Variants in DPH6 observed in about 807,000 individuals in gnomAD.
DPH6 encodes diphthamine biosynthesis 6.
A neutral mutation model predicts 38.2 loss-of-function variants in DPH6; 33 were observed. The ratio of observed to expected loss-of-function variants is 0.86; its 90% CI spans 0.65 to 1.15. The LOEUF (loss-of-function observed/expected upper bound fraction) is 1.15, where lower values mean the gene tolerates loss of function less well. Among genes scored for constraint, DPH6 ranks in the 50% most tolerant of loss-of-function variants. DPH6 has a pLI of 0.00. For missense variants in DPH6, 325 were observed against 320.0 expected (o/e 1.02, Z -0.12); for synonymous variants, 108 against 103.0 (o/e 1.05, Z -0.30).
chr15:35,492,414 A>G (rs2054495526), intron 3 of DPH6, among the ~76,000 whole-genome samples: 1 of 152,214 alleles, frequency 6.6e-6, no homozygotes, highest in Non-Finnish European at 1.5e-5. Context: ...TCATTCAGCC[A>G]TGAGAATATC....
intron 1 of DPH6, among the ~76,000 whole-genome samples, chr15:35,544,449 T>C (rs958338643): frequency 6.6e-6 from 1 of 151,994 alleles, no homozygotes; most frequent in Non-Finnish European, 1.5e-5. Context: ...CATGTATACC[T>C]ATGTAAAAAA....
At chr15:35,525,097 A>T (rs1487565059) in intron 3 of DPH6, among the ~76,000 whole-genome samples, 2 of 152,216 alleles carry the variant, frequency 1.3e-5, no homozygotes, top group Admixed American at 6.5e-5. Context: ...GAGGTTATAA[A>T]CTAACAGGGA....
At chr15:35,200,025 G>A in the DPH6 span, among the ~76,000 whole-genome samples, 4 of 151,912 alleles carry the variant, frequency 2.6e-5, no homozygotes, top group Admixed American at 6.6e-5. Flanking sequence ...TCCCATGGAG[G>A]AAGTCACTGT....
intron 5 of DPH6, among the ~76,000 whole-genome samples, chr15:35,436,326 C>T (rs541961028): frequency 6.6e-5 from 10 of 151,332 alleles, no homozygotes; most frequent in South Asian, 4.2e-4. Flanking sequence ...ATTAGCTGGG[C>T]GTGGTGGTGG....
chr15:35,471,101 C>A (rs2054193128), intron 3 of DPH6, among the ~76,000 whole-genome samples: 2 of 152,170 alleles, frequency 1.3e-5, no homozygotes, highest in African/African-American at 2.4e-5. Context: ...ATATCTAGTT[C>A]ATAGGGTTGT....
chr15:35,459,625 C>A (rs1202972066), intron 3 of DPH6, among the ~76,000 whole-genome samples: 3 of 151,944 alleles, frequency 2.0e-5, no homozygotes, highest in Non-Finnish European at 4.4e-5. Flanking sequence ...CGGGAGCAAA[C>A]AAGAACCTCA....
intron 3 of DPH6, among the ~76,000 whole-genome samples, chr15:35,245,103 A>G (rs1245111437): frequency 6.6e-6 from 1 of 151,318 alleles, no homozygotes; most frequent in African/African-American, 2.4e-5. Context: ...CCCACTCAGG[A>G]AAAAAAAATG....
chr15:35,241,647 AT>A lies in DPH6; in HGVS notation n.201-21066del, dbSNP rs1476068422. On this transcript the variant is annotated intron_variant and non_coding_transcript_variant, in intron 3 of 3. Coordinates refer to the DPH6 transcript ENST00000560386. ...AGCCTCCTTTGCGTCCTCCTCTTGT[AT>A]TCCCCCACCTTAACCCACAAGTATA... Among the ~76,000 whole-genome samples the A allele has an allele frequency of 2.7e-4, 38 of 141,548 alleles. 7 individuals are homozygous for A. The highest frequency in any genetic ancestry group is 9.7e-4 in the African/African-American group (38 of 39,084). 92.9% of individuals were successfully genotyped at this position (141,548 alleles called of 152,430 possible).
the DPH6 span, among the ~76,000 whole-genome samples, chr15:35,167,516 C>T: frequency 2.0e-5 from 3 of 149,838 alleles, no homozygotes; most frequent in Admixed American, 2.0e-4. Flanking sequence ...GTAACAGAAG[C>T]TACATTGCAA....
intron 3 of DPH6, among the ~76,000 whole-genome samples, chr15:35,471,873 CAT>C (rs2054202788): frequency 6.6e-6 from 1 of 152,218 alleles, no homozygotes; most frequent in Non-Finnish European, 1.5e-5. Context: ...TTAGCATCCA[CAT>C]AGTGTGCAGT....
At chr15:35,363,422 T>C (rs1293888809) in intron 3 of DPH6, among the ~76,000 whole-genome samples, 4 of 152,176 alleles carry the variant, frequency 2.6e-5, no homozygotes, top group African/African-American at 7.2e-5. Context: ...TTGTCTTCTA[T>C]TAAAAGACAT....
chr15:35,281,810 C>G (rs1365503272), intron 3 of DPH6, among the ~76,000 whole-genome samples: 1 of 152,196 alleles, frequency 6.6e-6, no homozygotes, highest in African/African-American at 2.4e-5. Context: ...ATAGAGATAT[C>G]TACCGTAGAT....
intron 3 of DPH6, among the ~76,000 whole-genome samples, chr15:35,532,847 T>C (rs1450984720): frequency 6.6e-6 from 1 of 152,150 alleles, no homozygotes; most frequent in South Asian, 2.1e-4. Context: ...CTCACACTTG[T>C]AGTCTCAGCA....
chr15:35,408,967 G>C (rs1385727864), intron 6 of DPH6, among the ~76,000 whole-genome samples: 1 of 151,860 alleles, frequency 6.6e-6, no homozygotes, highest in Non-Finnish European at 1.5e-5. Flanking sequence ...TTTAGGATGG[G>C]ACAATCTGTA....
chr15:35,315,157 C>T (rs113688689), intron 3 of DPH6, among the ~76,000 whole-genome samples: 155 of 152,328 alleles, frequency 1.0e-3, no homozygotes, highest in African/African-American at 3.7e-3. Flanking sequence ...ACCAACACTT[C>T]AAAAGTTGAA....
intron 6 of DPH6, among the ~76,000 whole-genome samples, chr15:35,391,976 C>T (rs2053065644): frequency 1.3e-5 from 2 of 152,010 alleles, no homozygotes; most frequent in Non-Finnish European, 2.9e-5. Context: ...ATTCAGCCAT[C>T]TTGATCCCAA....
At chr15:35,372,368 A>G in intron 8 of DPH6, 165 bp from the exon 9 acceptor site, 2 of 490,986 alleles carry the variant, frequency 4.1e-6, no homozygotes, top group Non-Finnish European at 6.6e-6. Flanking sequence ...CTGAAGACCA[A>G]TCAAATACCA....
the DPH6 span, among the ~76,000 whole-genome samples, chr15:35,196,797 A>G: frequency 6.6e-6 from 1 of 152,122 alleles, no homozygotes; most frequent in South Asian, 2.1e-4. Flanking sequence ...TTAATTTATA[A>G]CTCCAAGCAA....
At chr15:35,488,783 A>C (rs906316355) in intron 3 of DPH6, among the ~76,000 whole-genome samples, 2 of 152,226 alleles carry the variant, frequency 1.3e-5, no homozygotes, top group African/African-American at 4.8e-5. Context: ...TGAGGAAAGG[A>C]AATTATAATC....
Sources: allele counts gnomAD v4.1 joint callset (sites outside exome capture counted in the v4.1 genomes callset), GRCh38; gene constraint gnomAD v4.1.1; transcripts MANE v1.5; gene names NCBI Gene and HGNC (gene_info 2026-07-23, HGNC 2026-07-21).